The following CCNB1 variants were observed in gnomAD, a reference collection of about 807,000 sequenced individuals.
CCNB1 encodes the protein G2/mitotic-specific cyclin-B1.
A neutral mutation model predicts 44.4 loss-of-function variants in CCNB1; 26 were observed. That is an observed-to-expected ratio of 0.59 (90% CI 0.43 to 0.81). The LOEUF (loss-of-function observed/expected upper bound fraction) is 0.81, where lower values mean the gene tolerates loss of function less well. Ranked by LOEUF, CCNB1 falls within the 40% of genes least tolerant of loss-of-function variation. CCNB1 has a pLI of 0.00. For missense variants in CCNB1, 477 were observed against 520.9 expected (o/e 0.92, Z 0.82); for synonymous variants, 195 against 181.4 (o/e 1.08, Z -0.60).
intron 1 of CCNB1, 64 bp from the exon 2 acceptor site, chr5:69,167,844 A>T: frequency 6.9e-7 from 1 of 1,438,866 alleles, no homozygotes; most frequent in Non-Finnish European, 9.4e-7. Context: ...GCCCCACCTT[A>T]ATTAACCCTT....
At position 69,175,666 on chromosome 5, in the gene CCNB1, AG is replaced by A; in HGVS notation, c.1083+130del. 5 of 881,168 alleles carry A rather than the reference AG, an allele frequency of 5.7e-6. No homozygotes were observed. The East Asian group carries it at 1.3e-4, about 23-fold the overall frequency. 54.6% of individuals were successfully genotyped at this position (881,168 alleles called of 1,614,324 possible). On this transcript the variant is annotated intron_variant, in intron 7 of 8. Coordinates refer to ENST00000256442, the MANE Select transcript of CCNB1 (RefSeq NM_031966.4). ...GATCTACTGAAGGAATAGTTAAAAAAGATGTCTTAGAATGTTTCCACATCTT... is the reference window on the plus strand; with the variant it reads ...GATCTACTGAAGGAATAGTTAAAAAAATGTCTTAGAATGTTTCCACATCTT...
Position 69,167,294 on chromosome 5 carries a change from T to C in CCNB1, c.21+11T>C. 6.3e-7 allele frequency: 1 copy of C among 1,596,672 alleles called. No homozygotes were observed. ...CTCCGAGTCACCAGGGTGAGCCGCT[T>C]CGGACTGCGAACTAACGCGGCCTTC... is the stretch of plus-strand genomic sequence containing the variant. On this transcript the variant is annotated intron_variant, in intron 1 of 8. Transcript: ENST00000256442.
At chr5:69,168,890 A>G (rs191117672) in intron 3 of CCNB1, among the ~76,000 whole-genome samples, 2 of 152,308 alleles carry the variant, frequency 1.3e-5, no homozygotes, top group African/African-American at 4.8e-5. Context: ...AGATGAATTA[A>G]CACTTAGCCT....
rs755133536 is a variant in CCNB1, at chr5:69,167,299, C to G, written c.21+16C>G. 14 of 1,599,910 alleles carry G rather than the reference C, an allele frequency of 8.8e-6. No individual in the cohort carries two copies. In the South Asian group the frequency reaches 1.6e-4, roughly 18 times the overall value. ...AGTCACCAGGGTGAGCCGCTTCGGA[C>G]TGCGAACTAACGCGGCCTTCTTAGC... On this transcript the variant is annotated intron_variant, in intron 1 of 8. Coordinates refer to ENST00000256442, the MANE Select transcript of CCNB1 (RefSeq NM_031966.4).
At chr5:69,170,775 G>A (rs1020547665) in intron 3 of CCNB1, among the ~76,000 whole-genome samples, 2 of 151,906 alleles carry the variant, frequency 1.3e-5, no homozygotes, top group African/African-American at 4.8e-5. Flanking sequence ...GTAGGCAGCT[G>A]CCTTCATGCC....
Position 69,168,290 on chromosome 5 carries a change from G to A in CCNB1, c.310G>A (p.Glu104Lys). 6.2e-7 allele frequency: 1 copy of A among 1,614,046 alleles called. No individual in the cohort carries two copies. The highest frequency in any genetic ancestry group is 8.5e-7 in the Non-Finnish European group (1 of 1,180,020). ...TGAGCCAGTGCCAGAGCCAGAACCT[G>A]AGCCAGAACCTGAGCCTGTTAAAGA... ...VSEPVPEPEP[E>K]PEPEPVKEEK... Residue 104 changes from glutamate (E) to lysine (K), a missense_variant, in exon 3 of 9, where the codon GAG (glutamate) becomes AAG (lysine). Physicochemically the swap from Glu to Lys is moderately conservative, Grantham distance 56. Coordinates refer to ENST00000256442, the MANE Select transcript of CCNB1 (RefSeq NM_031966.4).
chr5:69,172,846 T>C (rs1238626502), intron 4 of CCNB1, among the ~76,000 whole-genome samples: 1 of 145,200 alleles, frequency 6.9e-6, no homozygotes, highest in Non-Finnish European at 1.5e-5. Flanking sequence ...CAATCTCGGC[T>C]CACTGCAAGC....
In CCNB1 at chr5:69,167,157, T is replaced by A. The variant is rs1182461585; in HGVS notation, c.-106T>A. The A allele has an allele frequency of 1.1e-6, 1 of 929,104 alleles. No homozygotes were observed. The highest frequency in any genetic ancestry group is 1.6e-6 in the Non-Finnish European group (1 of 623,362). The allele number at this position is 929,104 out of a possible 1,614,324, so 57.6% of individuals were successfully genotyped here. A position where few individuals can be genotyped will look rare whatever the true frequency, so the allele number is the denominator to read the frequency against. Reference sequence around the variant, plus strand: ...GCTAGGCTGGCTCTTCTCGGCGTGCTGCGGCGGAACGGCTGTTGGTTTCTG... The same window carrying A: ...GCTAGGCTGGCTCTTCTCGGCGTGCAGCGGCGGAACGGCTGTTGGTTTCTG... On this transcript the variant is annotated 5_prime_UTR_variant, in exon 1 of 9. Coordinates refer to ENST00000256442, the MANE Select transcript of CCNB1 (RefSeq NM_031966.4).
chr5:69,167,340 C>G lies in CCNB1; in HGVS notation c.21+57C>G, dbSNP rs762825268. On this transcript the variant is annotated intron_variant, in intron 1 of 8. Transcript: ENST00000256442. ...CCTTCTTAGCTGCTGCCTGCTCTCC[C>G]TGCCTCGCCTGCGGGAGCCTCCCGA... The G allele has an allele frequency of 2.5e-6, 4 of 1,589,918 alleles. No homozygotes were observed. The South Asian group carries it at 4.4e-5, about 18-fold the overall frequency.
chr5:69,168,919 A>G (rs1276987447), intron 3 of CCNB1, among the ~76,000 whole-genome samples: 2 of 152,328 alleles, frequency 1.3e-5, no homozygotes, highest in East Asian at 3.9e-4. Flanking sequence ...ATAACTTTTT[A>G]TTAAATATAA....
At chr5:69,176,575 T>A (rs1399630106) in intron 7 of CCNB1, among the ~76,000 whole-genome samples, 2 of 150,458 alleles carry the variant, frequency 1.3e-5, no homozygotes, top group African/African-American at 2.4e-5. Context: ...TTTCACCGTG[T>A]TAGCCAGGAT....
chr5:69,177,817 G>T lies in CCNB1; in HGVS notation c.*186G>T. On this transcript the variant is annotated 3_prime_UTR_variant, in exon 9 of 9. Coordinates refer to ENST00000256442, the MANE Select transcript of CCNB1 (RefSeq NM_031966.4). ...GCGGAAAAGTTGTCTTAAAAGGTAT[G>T]GTGGGGATATTTTTAAAAACTCCTT... 1 of 505,388 alleles carries T rather than the reference G, an allele frequency of 2.0e-6. No individual in the cohort carries two copies. The allele number at this position is 505,388 out of a possible 1,614,324, so 31.3% of individuals were successfully genotyped here.
At chr5:69,174,510 T>C in intron 5 of CCNB1, 101 bp downstream of exon 5, 1 of 1,087,502 alleles carries the variant, frequency 9.2e-7, no homozygotes, top group Non-Finnish European at 1.3e-6. Flanking sequence ...ATGCCTGTAA[T>C]CCCAGCGGGC....
chr5:69,167,357 G>A, intron 1 of CCNB1, 74 bp downstream of exon 1: 1 of 1,559,684 alleles, frequency 6.4e-7, no homozygotes, highest in Non-Finnish European at 8.8e-7. Context: ...GCCTGCGGGA[G>A]CCTCCCGAGC....
intron 3 of CCNB1, among the ~76,000 whole-genome samples, chr5:69,169,292 C>T (rs1268013742): frequency 6.6e-6 from 1 of 152,170 alleles, no homozygotes; most frequent in East Asian, 1.9e-4. Context: ...CTCCTGACCT[C>T]ATGATCCGCC....
Position 69,174,343 on chromosome 5 carries a change from A to C in CCNB1, c.639A>C (p.Gln213His). The C allele has an allele frequency of 6.2e-7, 1 of 1,614,150 alleles. No homozygotes were observed. Residue 213 changes from glutamine (Q) to histidine (H), a missense_variant, in exon 5 of 9, where the codon CAA (glutamine) becomes CAC (histidine). Coordinates refer to ENST00000256442, the MANE Select transcript of CCNB1 (RefSeq NM_031966.4). The part of the protein sequence containing the change: ...AILIDWLVQV[Q>H]MKFRLLQETM... ...TAATTGACTGGCTAGTACAGGTTCA[A>C]ATGAAATTCAGGTTGTTGCAGGAGA...
In CCNB1 at chr5:69,167,991, C is replaced by A; in HGVS notation, c.105C>A (p.Ser35=). ...TTCCTACGGCCCCTGCTGCAACCTC[C>A]AAGCCCGGACTGAGGCCAAGAACAG... ...KRVPTAPAAT[S]KPGLRPRTAL... is the part of the protein sequence containing the mutation. Residue 35 remains serine (S), a synonymous_variant, in exon 2 of 9, where the codon TCC becomes TCA. Transcript: ENST00000256442. The A allele has an allele frequency of 3.7e-6, 6 of 1,614,238 alleles. No homozygotes were observed. The highest frequency in any genetic ancestry group is 5.1e-6 in the Non-Finnish European group (6 of 1,180,038).
rs201606940 is a variant in CCNB1 at position 69,168,489 on chromosome 5, C to T, written c.363+146C>T. On this transcript the variant is annotated intron_variant, in intron 3 of 8. Transcript: ENST00000256442. The stretch of plus-strand genomic sequence containing the variant: ...GAGGCAAGCTCTGCCTAACATTTTA[C>T]ATGCATTAACTCACATAATCTTTAC... The T allele has an allele frequency of 6.4e-5, 55 of 860,124 alleles. No homozygotes were observed. In the East Asian group the frequency reaches 1.3e-3, roughly 21 times the overall value. 53.3% of individuals were successfully genotyped at this position (860,124 alleles called of 1,614,324 possible). A position where few individuals can be genotyped will look rare whatever the true frequency, so the allele number is the denominator to read the frequency against.
intron 4 of CCNB1, among the ~76,000 whole-genome samples, chr5:69,172,110 C>A (rs1747473521): frequency 1.3e-5 from 2 of 152,156 alleles, no homozygotes. Flanking sequence ...TGGAGTCTCA[C>A]ACTGTCGCCC....
Sources: gnomAD v4.1 joint callset for allele counts (sites outside exome capture counted in the v4.1 genomes callset) on GRCh38, gnomAD v4.1.1 for gene constraint, MANE v1.5 for transcripts, NCBI Gene and HGNC (gene_info 2026-07-23, HGNC 2026-07-21) for gene names.